Variants in ZNF83 observed in about 807,000 individuals in gnomAD.
ZNF83 encodes the protein zinc finger protein 83, also known as zinc finger protein 816B.
For missense variants in ZNF83, 552 were observed against 629.9 expected (o/e 0.88, Z 1.32); for synonymous variants, 209 against 213.0 (o/e 0.98, Z 0.17).
chr19:52,647,958 G>C (rs534661106), intron 3 of ZNF83, among the ~76,000 whole-genome samples: 14 of 150,424 alleles, frequency 9.3e-5, no homozygotes, highest in South Asian at 6.3e-4. Flanking sequence ...CCCTGCTGTT[G>C]TTCTTCCTCT....
chr19:52,667,705 T>G (rs1224012190), intron 1 of ZNF83, among the ~76,000 whole-genome samples: 1 of 152,172 alleles, frequency 6.6e-6, no homozygotes, highest in Non-Finnish European at 1.5e-5. Flanking sequence ...GATATTAAAA[T>G]AAAAGCACAA....
intron 1 of ZNF83, among the ~76,000 whole-genome samples, chr19:52,686,592 G>A (rs1012905257): frequency 6.6e-6 from 1 of 151,366 alleles, no homozygotes; most frequent in African/African-American, 2.4e-5. Flanking sequence ...TTGTTTTTCT[G>A]AGATGGAGAC....
At position 52,677,136 on chromosome 19, in the gene ZNF83, G is replaced by A. The variant is rs28444080; in HGVS notation, c.-283+13307C>T. ...AAGAATGATCAATTAAAAAAAAAAAGAAAAAAAGAAAAAAAAATAAAGGAA... is the reference window on the plus strand; with the variant it reads ...AAGAATGATCAATTAAAAAAAAAAAAAAAAAAAGAAAAAAAAATAAAGGAA... On this transcript the variant is annotated intron_variant, in intron 1 of 5. Transcript: ENST00000594682. Among the ~76,000 whole-genome samples, 252 of 143,610 alleles carry A rather than the reference G, an allele frequency of 1.8e-3. 3 individuals are homozygous for A. The highest frequency in any genetic ancestry group is 4.1e-3 in the African/African-American group (159 of 38,810). The allele number at this position is 143,610 out of a possible 152,430, so 94.2% of individuals were successfully genotyped here. A position where few individuals can be genotyped will look rare whatever the true frequency, so the allele number is the denominator to read the frequency against.
Position 52,631,143 on chromosome 19 carries a change from T to G in ZNF83, c.-234+3923A>C, listed in dbSNP as rs557057094. Among the ~76,000 whole-genome samples the G allele has an allele frequency of 4.3e-3, 628 of 147,558 alleles. 7 individuals are homozygous for G. Among genetic ancestry groups the G allele is most frequent in the African/African-American group, 0.015 (608 of 40,138 alleles). ...ACCTGGGGCTGTACTGCCGCAAGGCTTCACAGACAGCCCCCATTACTTCAG... is the reference window on the plus strand; with the variant it reads ...ACCTGGGGCTGTACTGCCGCAAGGCGTCACAGACAGCCCCCATTACTTCAG... On this transcript the variant is annotated intron_variant, in intron 2 of 2. Coordinates refer to ENST00000301096, the Ensembl canonical transcript of ZNF83.
chr19:52,661,442 C>T (rs1207243840), intron 1 of ZNF83, among the ~76,000 whole-genome samples: 1 of 152,174 alleles, frequency 6.6e-6, no homozygotes, highest in Non-Finnish European at 1.5e-5. Flanking sequence ...CCCCTCACCT[C>T]CCTGTGGATC....
At chr19:52,630,327 T>C (rs1036064883) in intron 2 of ZNF83, among the ~76,000 whole-genome samples, 14 of 152,192 alleles carry the variant, frequency 9.2e-5, no homozygotes, top group Admixed American at 3.9e-4. Flanking sequence ...AAAGTCAGTC[T>C]GTCCCCTTCT....
At chr19:52,623,796 T>C (rs906222039) in intron 2 of ZNF83, among the ~76,000 whole-genome samples, 3 of 152,066 alleles carry the variant, frequency 2.0e-5, no homozygotes, top group Admixed American at 2.0e-4. Context: ...GCTTCTAAAG[T>C]CTAAAAACTC....
chr19:52,654,212 G>A, intron 3 of ZNF83: 4 of 1,587,348 alleles, frequency 2.5e-6, no homozygotes, highest in Admixed American at 1.7e-5. Context: ...TTTGTCATGG[G>A]TGCTTCATGG....
chr19:52,646,534 G>A (rs1249668009), intron 3 of ZNF83, among the ~76,000 whole-genome samples: 1 of 152,122 alleles, frequency 6.6e-6, no homozygotes, highest in East Asian at 1.9e-4. Context: ...GGGTGATAGA[G>A]CCAGATGCTA....
intron 1 of ZNF83, among the ~76,000 whole-genome samples, chr19:52,687,631 A>AATG (rs1208065797): frequency 9.3e-5 from 1 of 10,726 alleles, no homozygotes; most frequent in African/African-American, 3.9e-4. Flanking sequence ...TATATATATA[A>AATG]TGTATATATA....
At chr19:52,639,417 T>TTTTTTC (rs764024722), upstream of ZNF83, among the ~76,000 whole-genome samples, 18,757 of 97,964 alleles carry the variant, frequency 0.19, 1,725 homozygotes, top group Middle Eastern at 0.22. Context: ...TTTTTTCTAT[T>TTTTTTC]TTTTTTTTTT....
exon 3 of ZNF83, chr19:52,613,829 A>C (rs761432060): frequency 6.2e-7 from 1 of 1,614,112 alleles, no homozygotes; most frequent in South Asian, 1.1e-5. Flanking sequence ...ACAAGGTAGG[A>C]ATTGCGACTG....
intron 2 of ZNF83, among the ~76,000 whole-genome samples, chr19:52,622,767 G>T (rs1026272552): frequency 6.7e-6 from 1 of 149,278 alleles, no homozygotes; most frequent in Non-Finnish European, 1.5e-5. Flanking sequence ...CAACCAGTCA[G>T]CTCCTGACAT....
At chr19:52,688,950 GAAAAAAAAAAA>G (rs56247444) in intron 1 of ZNF83, among the ~76,000 whole-genome samples, 1 of 126,804 alleles carries the variant, frequency 7.9e-6, no homozygotes, top group African/African-American at 2.8e-5. Context: ...AAGGTTGAAG[GAAAAAAAAAAA>G]AAAAAAAAAA....
chr19:52,636,798 G>A (rs2061161338), intron 1 of ZNF83: 1 of 151,746 alleles, frequency 6.6e-6, no homozygotes, highest in South Asian at 2.1e-4. Flanking sequence ...TGGGATTACA[G>A]GTGCACACTA....
intron 2 of ZNF83, among the ~76,000 whole-genome samples, chr19:52,620,145 A>G (rs2060481143): frequency 6.6e-6 from 1 of 152,212 alleles, no homozygotes; most frequent in Non-Finnish European, 1.5e-5. Flanking sequence ...ACAAAAAACT[A>G]GAGTTGAATG....
intron 1 of ZNF83, among the ~76,000 whole-genome samples, chr19:52,686,808 C>A (rs10424802): frequency 2.0e-5 from 3 of 151,818 alleles, no homozygotes. Context: ...CCTGACCTTA[C>A]GTGATTCTCT....
intron 3 of ZNF83, chr19:52,653,310 T>C (rs2061467089): frequency 1.1e-5 from 14 of 1,310,370 alleles, no homozygotes; most frequent in Non-Finnish European, 1.5e-5. Flanking sequence ...ATTCATTACA[T>C]GTGTAAGGTT....
At chr19:52,666,485 C>G (rs560634327) in intron 1 of ZNF83, among the ~76,000 whole-genome samples, 4 of 152,042 alleles carry the variant, frequency 2.6e-5, no homozygotes, top group African/African-American at 7.2e-5. Flanking sequence ...ATCCTTAACC[C>G]AGTAAACCGC....
Sources: gnomAD v4.1 joint callset for allele counts (sites outside exome capture counted in the v4.1 genomes callset) on GRCh38, gnomAD v4.1.1 for gene constraint, MANE v1.5 for transcripts, NCBI Gene and HGNC (gene_info 2026-07-23, HGNC 2026-07-21) for gene names.